The following SYK variants were observed in gnomAD, a reference collection of about 807,000 sequenced individuals.
SYK encodes spleen associated tyrosine kinase, also known as tyrosine-protein kinase SYK.
Under a neutral mutation model 77.8 loss-of-function variants are expected in SYK, and 16 were observed. The ratio of observed to expected loss-of-function variants is 0.21; its 90% CI spans 0.14 to 0.31. SYK has a LOEUF of 0.31. Among genes scored for constraint, SYK ranks in the 10% least tolerant of loss-of-function variants. The probability of loss-of-function intolerance (pLI) is 1.00; values close to 1 mark genes in which losing one functional copy is unlikely to be tolerated. For synonymous variants in SYK, 312 were observed against 308.7 expected (o/e 1.01, Z -0.11); for missense variants, 529 against 814.4 (o/e 0.65, Z 4.26).
At position 90,895,611 on chromosome 9, in the gene SYK, A is replaced by G. The variant is rs758264283; in HGVS notation, c.*11A>G. ...GACGTGGTGAACTAACCGCTCCCGC[A>G]CCTGTCGGTGGCTGCCTTTGATCAC... On this transcript the variant is annotated 3_prime_UTR_variant, in exon 14 of 14. Coordinates refer to ENST00000375754, the MANE Select transcript of SYK (RefSeq NM_003177.7). The surrounding 1 kb of genome is among the most constrained non-coding windows in gnomAD (Gnocchi z 4.4). The G allele has an allele frequency of 1.2e-6, 2 of 1,613,184 alleles. No homozygotes were observed. The highest frequency in any genetic ancestry group is 2.2e-5 in the East Asian group (1 of 44,874).
chr9:90,822,201 T>G (rs1825542532), intron 1 of SYK, among the ~76,000 whole-genome samples: 1 of 152,226 alleles, frequency 6.6e-6, no homozygotes, highest in Non-Finnish European at 1.5e-5. Flanking sequence ...AAGTTAAATT[T>G]TACTGTTTTT....
intron 13 of SYK, among the ~76,000 whole-genome samples, chr9:90,893,117 T>G (rs1828860505): frequency 6.6e-6 from 1 of 152,294 alleles, no homozygotes; most frequent in Non-Finnish European, 1.5e-5. Flanking sequence ...GACCTTATAG[T>G]TGGGGCTGGG....
intron 1 of SYK, among the ~76,000 whole-genome samples, chr9:90,816,199 C>T (rs888389893): frequency 6.6e-6 from 1 of 152,216 alleles, no homozygotes; most frequent in Non-Finnish European, 1.5e-5. Context: ...CTGGGCTGTA[C>T]TGGGCTGGGC....
intron 1 of SYK, among the ~76,000 whole-genome samples, chr9:90,818,393 G>A (rs1354176156): frequency 6.6e-6 from 1 of 152,244 alleles, no homozygotes; most frequent in African/African-American, 2.4e-5. Flanking sequence ...CAGCCTCTCT[G>A]ATGGTCAACC....
At position 90,862,277 on chromosome 9, in the gene SYK, G is replaced by A. The variant is rs1827299966; in HGVS notation, c.650G>A (p.Arg217His). 1 of 1,614,074 alleles carries A rather than the reference G, an allele frequency of 6.2e-7. No homozygotes were observed. The highest frequency in any genetic ancestry group is 8.5e-7 in the Non-Finnish European group (1 of 1,179,956). Reference sequence around the variant, plus strand: ...CACGAAGGGAAGGTGCTGCACTATCGCATCGACAAAGACAAGACAGGGAAG... The same window carrying A: ...CACGAAGGGAAGGTGCTGCACTATCACATCGACAAAGACAAGACAGGGAAG... ...LLHEGKVLHY[R>H]IDKDKTGKLS... The change falls in exon 4 of 14, where the codon CGC becomes CAC. Residue 217 changes from arginine to histidine, a missense_variant. Physicochemically the swap from Arg to His is conservative, Grantham distance 29. This residue lies in a region of SYK where 321 missense variants were observed against 433.1 expected (regional missense o/e 0.74). Transcript: ENST00000375754.
intron 11 of SYK, among the ~76,000 whole-genome samples, chr9:90,880,899 T>C (rs1359826519): frequency 1.3e-5 from 2 of 152,230 alleles, no homozygotes; most frequent in Non-Finnish European, 2.9e-5. Flanking sequence ...GTCAGCCAGC[T>C]CACCTGCACA....
At chr9:90,869,616 A>G (rs2118842776) in intron 7 of SYK, among the ~76,000 whole-genome samples, 1 of 152,342 alleles carries the variant, frequency 6.6e-6, no homozygotes, top group East Asian at 1.9e-4. Context: ...ACTTTCTTGA[A>G]CTTGTTAATT....
intron 1 of SYK, among the ~76,000 whole-genome samples, chr9:90,805,898 T>C (rs1824817736): frequency 6.6e-6 from 1 of 152,264 alleles, no homozygotes; most frequent in African/African-American, 2.4e-5. Context: ...TTTTTTGGTG[T>C]ACTAATTTTA....
At chr9:90,862,177 G>T in intron 3 of SYK, 29 bp from the exon 4 acceptor site, 1 of 1,577,980 alleles carries the variant, frequency 6.3e-7, no homozygotes. Context: ...GCGGGCCTGG[G>T]GATGATGCAG....
At chr9:90,892,723 A>G (rs1828842587) in intron 13 of SYK, among the ~76,000 whole-genome samples, 1 of 152,212 alleles carries the variant, frequency 6.6e-6, no homozygotes, top group Admixed American at 6.5e-5. Context: ...CAGTGGGGAA[A>G]GCCCTTGCAA....
intron 11 of SYK, among the ~76,000 whole-genome samples, chr9:90,883,856 C>A (rs1429936123): frequency 1.3e-5 from 2 of 152,116 alleles, no homozygotes; most frequent in Non-Finnish European, 2.9e-5. Flanking sequence ...CCTGAAAGCC[C>A]AAGGGTCAGC....
intron 3 of SYK, among the ~76,000 whole-genome samples, chr9:90,849,733 A>G (rs1206021136): frequency 6.6e-6 from 1 of 152,336 alleles, no homozygotes; most frequent in Middle Eastern, 3.4e-3. Flanking sequence ...CTGGCCTCAA[A>G]TGCTGGCTCC....
At chr9:90,837,641 T>C (rs1826135399) in intron 1 of SYK, among the ~76,000 whole-genome samples, 1 of 152,082 alleles carries the variant, frequency 6.6e-6, no homozygotes, top group Non-Finnish European at 1.5e-5. Context: ...AGGTTCCTTG[T>C]GAGCCTCACT....
chr9:90,819,185 C>G (rs991889187), intron 1 of SYK, among the ~76,000 whole-genome samples: 2 of 152,100 alleles, frequency 1.3e-5, no homozygotes, highest in African/African-American at 4.8e-5. Flanking sequence ...AGAAGTCACT[C>G]AAAATGGATA....
At chr9:90,873,197 C>T (rs952831060) in intron 7 of SYK, among the ~76,000 whole-genome samples, 1 of 152,118 alleles carries the variant, frequency 6.6e-6, no homozygotes, top group Non-Finnish European at 1.5e-5. Flanking sequence ...TAGTGTGTGT[C>T]ATAAGATAAG....
At chr9:90,867,016 A>G in intron 6 of SYK, 115 bp from the exon 7 acceptor site, 7 of 1,097,182 alleles carry the variant, frequency 6.4e-6, no homozygotes, top group Non-Finnish European at 8.2e-6. Context: ...TGGCAGGGAC[A>G]GGAGGGGGTT....
At chr9:90,823,958 G>A (rs1252005345) in intron 1 of SYK, among the ~76,000 whole-genome samples, 1 of 151,568 alleles carries the variant, frequency 6.6e-6, no homozygotes, top group Non-Finnish European at 1.5e-5. Flanking sequence ...TAAAACCAAT[G>A]TTGGTTCTTT....
At chr9:90,894,591 G>C (rs982965702) in intron 13 of SYK, among the ~76,000 whole-genome samples, 9 of 152,218 alleles carry the variant, frequency 5.9e-5, no homozygotes, top group African/African-American at 2.2e-4. Flanking sequence ...AATTGCCATT[G>C]ATATAGGTCA....
At chr9:90,881,406 G>A (rs990140599) in intron 11 of SYK, among the ~76,000 whole-genome samples, 14 of 152,126 alleles carry the variant, frequency 9.2e-5, no homozygotes, top group African/African-American at 1.9e-4. Flanking sequence ...TGGGCCGGGC[G>A]TGGTGGCTCA....
Sources: gnomAD v4.1 joint callset for allele counts (sites outside exome capture counted in the v4.1 genomes callset) on GRCh38, gnomAD v4.1.1 for gene constraint, gnomAD v4.1.1 regional missense constraint, Gnocchi (gnomAD v3.1) non-coding constraint, MANE v1.5 for transcripts, NCBI Gene and HGNC (gene_info 2026-07-23, HGNC 2026-07-21) for gene names.